Variants in TTC6 observed in about 807,000 individuals in gnomAD.
The protein encoded by TTC6 is tetratricopeptide repeat domain 6.
A neutral mutation model predicts 210.4 loss-of-function variants in TTC6; 172 were observed. That is an observed-to-expected ratio of 0.82 (90% confidence interval 0.72 to 0.93). The LOEUF is 0.93. Among genes scored for constraint, TTC6 ranks in the 40% least tolerant of loss-of-function variants. The pLI, the probability that TTC6 is intolerant of heterozygous loss-of-function variation, is 0.00. For synonymous variants in TTC6, 804 were observed against 819.6 expected, an observed-to-expected ratio of 0.98 and a Z score of 0.32; for missense variants, 2,414 against 2,318.1, an observed-to-expected ratio of 1.04 and a Z score of -0.85.
At chr14:37,818,531 A>G (rs1349985746) in intron 26 of TTC6, among the ~76,000 whole-genome samples, 6 of 152,140 alleles carry the variant, frequency 3.9e-5, no homozygotes, top group South Asian at 2.1e-4. Context: ...AATTATGTAG[A>G]CTGGGCTGTA....
At chr14:37,809,407 C>T (rs1458638774) in intron 24 of TTC6, among the ~76,000 whole-genome samples, 1 of 152,032 alleles carries the variant, frequency 6.6e-6, no homozygotes. Context: ...CACCCCCAAT[C>T]ATGCCCTGCT....
intron 29 of TTC6, among the ~76,000 whole-genome samples, chr14:37,840,092 G>A (rs568234495): frequency 2.0e-5 from 3 of 151,656 alleles, no homozygotes; most frequent in Admixed American, 6.6e-5. Context: ...CCTCCAGCTA[G>A]CCAGACTAAT....
chr14:37,707,116 T>C (rs940350802), intron 5 of TTC6, among the ~76,000 whole-genome samples: 2 of 152,106 alleles, frequency 1.3e-5, no homozygotes, highest in Non-Finnish European at 2.9e-5. Flanking sequence ...TACAGAAATC[T>C]GAAACCAACC....
chr14:37,739,015 C>T (rs2095910066), exon 10 of TTC6: 5 of 1,535,470 alleles, frequency 3.3e-6, no homozygotes, highest in East Asian at 4.9e-5. Context: ...CTTTGACTCT[C>T]ATTGAAGCGT....
intron 7 of TTC6, among the ~76,000 whole-genome samples, chr14:37,725,298 ATGTG>A (rs61712288): frequency 0.14 from 8,677 of 62,868 alleles, 859 homozygotes; most frequent in Middle Eastern, 0.18. Flanking sequence ...ATATGTATGT[ATGTG>A]TGTGTGTGTG....
chr14:37,721,085 A>C (rs1297469245), intron 6 of TTC6, among the ~76,000 whole-genome samples: 1 of 98,694 alleles, frequency 1.0e-5, no homozygotes, highest in Non-Finnish European at 1.9e-5. Context: ...AGTGGAACAG[A>C]AAAAAAAAAA....
intron 10 of TTC6, among the ~76,000 whole-genome samples, chr14:37,741,423 G>T (rs1566924380): frequency 1.1e-5 from 1 of 87,376 alleles, no homozygotes; most frequent in Admixed American, 1.4e-4. Flanking sequence ...CAAGTAGCTG[G>T]GAGTACAGGC....
Position 37,841,495 on chromosome 14 carries a change from T to A in TTC6, c.5349T>A (p.Tyr1783Ter). The change falls in exon 30 of 31, where the codon TAT (tyrosine) becomes TAA (stop). Residue 1783 changes from tyrosine to a stop codon, truncating the protein, a stop_gained. Coordinates refer to ENST00000553443, the Ensembl canonical transcript of TTC6. LOFTEE classifies it high-confidence loss of function. ...TAAAATTTGATCCAGAAAATGAATA[T>A]GTTCTCATGAATCGAGCTATTACAA... is the stretch of plus-strand genomic sequence containing the variant. The A allele has an allele frequency of 1.9e-6, 3 of 1,594,828 alleles. No homozygotes were observed. In the East Asian group the frequency reaches 6.7e-5, roughly 36 times the overall value.
At chr14:37,775,059 T>G (rs2096032835) in intron 14 of TTC6, among the ~76,000 whole-genome samples, 2 of 152,324 alleles carry the variant, frequency 1.3e-5, no homozygotes, top group South Asian at 4.1e-4. Flanking sequence ...TTTGTTTTTC[T>G]GTGAGGTCAG....
chr14:37,619,287 G>C (rs2095647551), upstream of TTC6, among the ~76,000 whole-genome samples: 1 of 152,130 alleles, frequency 6.6e-6, no homozygotes. Context: ...GATATGATGA[G>C]CTCTTCGTGT....
At chr14:37,620,021 C>A (rs965823494), upstream of TTC6, among the ~76,000 whole-genome samples, 1 of 152,080 alleles carries the variant, frequency 6.6e-6, no homozygotes, top group Non-Finnish European at 1.5e-5. Flanking sequence ...AAAATTTAAT[C>A]ACCTAGTTTC....
chr14:37,717,526 A>G (rs1431243961), intron 6 of TTC6, among the ~76,000 whole-genome samples: 1 of 152,190 alleles, frequency 6.6e-6, no homozygotes, highest in African/African-American at 2.4e-5. Context: ...GAATAGCCCT[A>G]TAAATATTAA....
At chr14:37,827,162 C>T in intron 28 of TTC6, 34 bp from the exon 31 acceptor site, 1 of 1,552,236 alleles carries the variant, frequency 6.4e-7, no homozygotes, top group Non-Finnish European at 8.8e-7. Context: ...AATACTATTC[C>T]CCAATGTTAA....
rs1456193569 is a variant in TTC6 at position 37,804,673 on chromosome 14, A to T, written c.4030-7A>T. ...CTTGCCCCCTCCCTGCTTTTTTATC[A>T]TTATAGGAAGCTGTGGAAGTGCTTA... On this transcript the variant is annotated splice_region_variant and splice_polypyrimidine_tract_variant and intron_variant, in intron 20 of 30. Coordinates refer to ENST00000553443, the Ensembl canonical transcript of TTC6. The T allele has an allele frequency of 1.2e-6, 2 of 1,605,840 alleles. No homozygotes were observed. The highest frequency in any genetic ancestry group is 1.7e-6 in the Non-Finnish European group (2 of 1,177,766).
intron 14 of TTC6, among the ~76,000 whole-genome samples, chr14:37,754,680 A>G (rs1195279259): frequency 2.0e-5 from 3 of 152,100 alleles, no homozygotes; most frequent in Non-Finnish European, 4.4e-5. Flanking sequence ...TGATCCACCC[A>G]TCTTGGTCTC....
intron 3 of TTC6, among the ~76,000 whole-genome samples, chr14:37,683,557 T>A (rs1044504091): frequency 1.3e-5 from 2 of 151,590 alleles, no homozygotes; most frequent in South Asian, 2.1e-4. Context: ...ATAAGATATT[T>A]AGAGAGAGAG....
intron 26 of TTC6, among the ~76,000 whole-genome samples, chr14:37,820,354 A>T (rs2096152496): frequency 6.6e-6 from 1 of 152,156 alleles, no homozygotes; most frequent in Non-Finnish European, 1.5e-5. Flanking sequence ...CTGGGTCTGA[A>T]CAGACTAGCT....
chr14:37,792,279 T>G (rs1449882459), exon 17 of TTC6: 53 of 1,513,740 alleles, frequency 3.5e-5, no homozygotes, highest in Non-Finnish European at 4.6e-5. Context: ...TTACTTTGGC[T>G]TATGTAAATA....
intron 14 of TTC6, among the ~76,000 whole-genome samples, chr14:37,758,096 C>A (rs2095973354): frequency 6.6e-6 from 1 of 152,082 alleles, no homozygotes; most frequent in Non-Finnish European, 1.5e-5. Flanking sequence ...TGTTTTACTT[C>A]CAATTATGTG....
Sources: allele counts gnomAD v4.1 joint callset (sites outside exome capture counted in the v4.1 genomes callset), GRCh38; gene constraint gnomAD v4.1.1; transcripts MANE v1.5; gene names NCBI Gene and HGNC (gene_info 2026-07-23, HGNC 2026-07-21).